The following APCDD1L variants were observed in gnomAD, a reference collection of about 807,000 sequenced individuals.
APCDD1L encodes the protein protein APCDD1-like.
Under a neutral mutation model 24.2 loss-of-function variants are expected in APCDD1L, and 21 were observed. The ratio of observed to expected loss-of-function variants is 0.87; its 90% CI spans 0.61 to 1.25. The LOEUF (loss-of-function observed/expected upper bound fraction) is 1.25, where lower values mean the gene tolerates loss of function less well. Among genes scored for constraint, APCDD1L ranks in the 50% most tolerant of loss-of-function variants. The pLI, the probability that APCDD1L is intolerant of heterozygous loss-of-function variation, is 0.00. For synonymous variants in APCDD1L, 321 were observed against 323.6 expected (o/e 0.99, Z 0.09); for missense variants, 704 against 711.7 (o/e 0.99, Z 0.12).
chr20:58,469,798 A>G (rs984959932), intron 2 of APCDD1L, among the ~76,000 whole-genome samples: 1 of 152,228 alleles, frequency 6.6e-6, no homozygotes, highest in African/African-American at 2.4e-5. Flanking sequence ...TACAGGAAGG[A>G]CACGGAGAGG....
At chr20:58,482,238 C>T (rs557804465) in intron 1 of APCDD1L, among the ~76,000 whole-genome samples, 2 of 152,220 alleles carry the variant, frequency 1.3e-5, no homozygotes, top group East Asian at 1.9e-4. Context: ...CATCATGTTT[C>T]GGAAAACCCA....
At chr20:58,484,441 A>G (rs1990082724) in intron 1 of APCDD1L, among the ~76,000 whole-genome samples, 1 of 152,242 alleles carries the variant, frequency 6.6e-6, no homozygotes, top group East Asian at 1.9e-4. Flanking sequence ...CGGGCAATAC[A>G]TTTTTGGTGA....
At chr20:58,465,681 C>A (rs1989692198) in intron 3 of APCDD1L, among the ~76,000 whole-genome samples, 3 of 152,292 alleles carry the variant, frequency 2.0e-5, no homozygotes, top group Admixed American at 2.0e-4. Flanking sequence ...TTTCACTAAC[C>A]TTTCACTAAT....
chr20:58,475,514 T>G (rs1325729534), intron 1 of APCDD1L, among the ~76,000 whole-genome samples: 1 of 152,168 alleles, frequency 6.6e-6, no homozygotes, highest in Non-Finnish European at 1.5e-5. Context: ...CTTTTAATAT[T>G]TTAATAAAAT....
At chr20:58,473,129 T>C (rs1989844439) in intron 1 of APCDD1L, among the ~76,000 whole-genome samples, 1 of 152,182 alleles carries the variant, frequency 6.6e-6, no homozygotes. Context: ...AAATCAAGCT[T>C]GCGTTTCAGA....
At chr20:58,489,685 G>GA (rs3070367) in intron 1 of APCDD1L, among the ~76,000 whole-genome samples, 74 of 142,446 alleles carry the variant, frequency 5.2e-4, no homozygotes, top group Non-Finnish European at 5.8e-4. Flanking sequence ...ACTTTGTGTG[G>GA]AAAAAAAAAA....
chr20:58,472,523 T>A (rs902604116), intron 1 of APCDD1L, among the ~76,000 whole-genome samples: 3 of 152,002 alleles, frequency 2.0e-5, no homozygotes, highest in African/African-American at 7.3e-5. Context: ...GGAGACGGGG[T>A]AAAACGCAGG....
intron 1 of APCDD1L, among the ~76,000 whole-genome samples, chr20:58,495,463 T>C (rs1305687244): frequency 1.3e-5 from 2 of 152,136 alleles, no homozygotes; most frequent in Non-Finnish European, 2.9e-5. Context: ...TGAATGGGCC[T>C]GACCTTCTAG....
chr20:58,489,685 GA>G (rs3070367), intron 1 of APCDD1L, among the ~76,000 whole-genome samples: 75,593 of 142,382 alleles, frequency 0.53, 19,596 homozygotes, highest in East Asian at 0.65. Flanking sequence ...ACTTTGTGTG[GA>G]AAAAAAAAAA....
At chr20:58,511,315 C>T (rs1990622880) in intron 1 of APCDD1L, among the ~76,000 whole-genome samples, 1 of 152,236 alleles carries the variant, frequency 6.6e-6, no homozygotes, top group African/African-American at 2.4e-5. Flanking sequence ...ATTTTAATGG[C>T]TTCTCCTTCC....
Position 58,467,340 on chromosome 20 carries a change from C to T in APCDD1L, c.507G>A (p.Leu169=). Residue 169 remains leucine (L), a synonymous_variant, in exon 3 of 4, where the codon CTG becomes CTA. Transcript: ENST00000371149. This position sits in a 1 kb window ranked among gnomAD's most constrained non-coding sequence, Gnocchi z 5.9. The part of the protein sequence containing the change: ...ARRLPPARAW[L]PGALYELRSA... ...TCCGCAGCTCGTACAGCGCCCCAGG[C>T]AGCCAGGCCCGGGCCGGAGGCAGCC... 6.7e-7 allele frequency: 1 copy of T among 1,491,636 alleles called. No individual in the cohort carries two copies. Among genetic ancestry groups the T allele is most frequent in the South Asian group, 1.3e-5 (1 of 77,908 alleles). The allele number at this position is 1,491,636 out of a possible 1,614,324, so 92.4% of individuals were successfully genotyped here.
At chr20:58,495,124 G>T (rs759160698) in intron 1 of APCDD1L, among the ~76,000 whole-genome samples, 1 of 152,136 alleles carries the variant, frequency 6.6e-6, no homozygotes, top group African/African-American at 2.4e-5. Context: ...CAAAGGGAGG[G>T]CTGAGGACAC....
intron 2 of APCDD1L, among the ~76,000 whole-genome samples, chr20:58,469,546 T>C (rs1989773617): frequency 6.6e-6 from 1 of 152,236 alleles, no homozygotes; most frequent in South Asian, 2.1e-4. Flanking sequence ...TGTTACTGTC[T>C]TGGGGCAGAA....
At chr20:58,495,745 G>C (rs1279113275) in intron 1 of APCDD1L, among the ~76,000 whole-genome samples, 1 of 152,172 alleles carries the variant, frequency 6.6e-6, no homozygotes, top group Non-Finnish European at 1.5e-5. Flanking sequence ...ATGAAGGTGT[G>C]ACCCATGCCA....
At chr20:58,471,609 C>T (rs1335662577) in intron 1 of APCDD1L, among the ~76,000 whole-genome samples, 2 of 152,218 alleles carry the variant, frequency 1.3e-5, no homozygotes, top group Admixed American at 6.5e-5. Flanking sequence ...GGACTGTTCA[C>T]GATCTTTTCT....
chr20:58,504,629 G>C (rs191835865), intron 1 of APCDD1L, among the ~76,000 whole-genome samples: 11 of 152,328 alleles, frequency 7.2e-5, no homozygotes, highest in Admixed American at 6.5e-4. Context: ...CACAGCTACA[G>C]TGTAGCCTCA....
At chr20:58,466,762 G>T (rs544105246) in intron 3 of APCDD1L, among the ~76,000 whole-genome samples, 11 of 152,174 alleles carry the variant, frequency 7.2e-5, no homozygotes, top group African/African-American at 2.7e-4. Context: ...TATTTCAGCC[G>T]AGAACTAAGG....
intron 1 of APCDD1L, among the ~76,000 whole-genome samples, chr20:58,512,896 C>A (rs943331165): frequency 7.9e-5 from 12 of 151,822 alleles, no homozygotes; most frequent in Admixed American, 5.9e-4. Flanking sequence ...GGCTGCCCCC[C>A]TCTCTCGTCA....
Position 58,494,457 on chromosome 20 carries a change from T to C in APCDD1L, c.49+20202A>G, listed in dbSNP as rs1990282787. ...AAGCCATCCTCTGGCCTCAGCCTCC[T>C]GAGTAGCTGGGATTACAGGTGTGCA... On this transcript the variant is annotated intron_variant, in intron 1 of 3. Coordinates refer to ENST00000371149, the MANE Select transcript of APCDD1L (RefSeq NM_153360.3). The surrounding 1 kb of genome is among the most constrained non-coding windows in gnomAD (Gnocchi z 4.8). Among the ~76,000 whole-genome samples the C allele has an allele frequency of 6.6e-6, 1 of 152,090 alleles. No homozygotes were observed. The highest frequency in any genetic ancestry group is 2.1e-4 in the South Asian group (1 of 4,828).
Sources: allele counts gnomAD v4.1 joint callset (sites outside exome capture counted in the v4.1 genomes callset), GRCh38; gene constraint gnomAD v4.1.1; non-coding constraint Gnocchi (gnomAD v3.1); transcripts MANE v1.5; gene names NCBI Gene and HGNC (gene_info 2026-07-23, HGNC 2026-07-21).